The following IRAG1 variants were observed in gnomAD, a reference collection of about 807,000 sequenced individuals.
IRAG1 encodes the protein inositol 1,4,5-triphosphate receptor associated 1, also known as IP3R-associated cGMP kinase substrate.
Under a neutral mutation model 106.2 loss-of-function variants are expected in IRAG1, and 62 were observed. The ratio of observed to expected loss-of-function variants is 0.58; its 90% confidence interval spans 0.48 to 0.72. The LOEUF (loss-of-function observed/expected upper bound fraction) is 0.72. Ranked by LOEUF, IRAG1 falls within the 30% of genes least tolerant of loss-of-function variation. IRAG1 has a pLI of 0.00. For missense variants in IRAG1, 1,064 were observed against 1,140.7 expected, an observed-to-expected ratio of 0.93 and a Z score of 0.97; for synonymous variants, 462 against 443.9, an observed-to-expected ratio of 1.04 and a Z score of -0.51.
chr11:10,659,247 T>C lies in IRAG1; in HGVS notation c.68-7065A>G, dbSNP rs1339439891. ...GGCCAAGTAGGTATTTGTGCTGTGCTGAACAAGTGGGTAAGTGAGTGACTG... is the reference window on the plus strand; with the variant it reads ...GGCCAAGTAGGTATTTGTGCTGTGCCGAACAAGTGGGTAAGTGAGTGACTG... On this transcript the variant is annotated intron_variant, in intron 1 of 20. Transcript: ENST00000423302. This position sits in a 1 kb window ranked among gnomAD's most constrained non-coding sequence, Gnocchi z 4.1. Among the ~76,000 whole-genome samples the C allele has an allele frequency of 6.6e-6, 1 of 152,200 alleles. No homozygotes were observed. The highest frequency in any genetic ancestry group is 1.5e-5 in the Non-Finnish European group (1 of 68,032).
At chr11:10,619,539 G>A (rs1300238106) in intron 10 of IRAG1, among the ~76,000 whole-genome samples, 5 of 152,172 alleles carry the variant, frequency 3.3e-5, no homozygotes, top group African/African-American at 4.8e-5. Context: ...CATTAAACAC[G>A]GAGGGTTGCC....
At chr11:10,637,994 G>T (rs1260892655) in intron 2 of IRAG1, among the ~76,000 whole-genome samples, 1 of 152,174 alleles carries the variant, frequency 6.6e-6, no homozygotes, top group Non-Finnish European at 1.5e-5. Flanking sequence ...CTTTCCAGAG[G>T]AATCTCTTCA....
At chr11:10,662,234 C>G (rs193254839) in intron 1 of IRAG1, among the ~76,000 whole-genome samples, 1 of 152,216 alleles carries the variant, frequency 6.6e-6, no homozygotes, top group African/African-American at 2.4e-5. Flanking sequence ...TGGTGAAACC[C>G]CATCTCTACT....
Position 10,576,418 on chromosome 11 carries a change from GC to G in IRAG1, c.2652del (p.Gly887GlufsTer32). 6.2e-7 allele frequency: 1 copy of G among 1,613,946 alleles called. No homozygotes were observed. Among genetic ancestry groups the G allele is most frequent in the East Asian group, 2.2e-5 (1 of 44,868 alleles). ...GCCGAGCAAGTGGATCTTCCAAGGGGCCCATCAGCCTGCTCTGCACAAGAGT... is the reference window on the plus strand; with the variant it reads ...GCCGAGCAAGTGGATCTTCCAAGGGGCCATCAGCCTGCTCTGCACAAGAGT... ...SYNSCAEQAD[G>X]PLGRSTCSAA... On this transcript the variant is annotated frameshift_variant, in exon 21 of 21. Transcript: ENST00000423302. LOFTEE classifies it high-confidence loss of function.
At position 10,665,528 on chromosome 11, in the gene IRAG1, G is replaced by A. The variant is rs1325197037; in HGVS notation, c.68-13346C>T. On this transcript the variant is annotated intron_variant, in intron 1 of 20. Transcript: ENST00000423302. This position sits in a 1 kb window ranked among gnomAD's most constrained non-coding sequence, Gnocchi z 4.2. ...TCAAACATCATTACTTCCTGGGGGC[G>A]ACCACTCCACCTACCTATCCCTCAG... Among the ~76,000 whole-genome samples, 2 of 152,140 alleles carry A rather than the reference G, an allele frequency of 1.3e-5. No individual in the cohort carries two copies. The highest frequency in any genetic ancestry group is 4.8e-5 in the African/African-American group (2 of 41,422).
chr11:10,672,537 A>C (rs904430766), intron 1 of IRAG1, among the ~76,000 whole-genome samples: 1 of 152,242 alleles, frequency 6.6e-6, no homozygotes, highest in African/African-American at 2.4e-5. Context: ...ATGTCTCCAA[A>C]GAATATATGC....
chr11:10,681,009 G>A (rs987686816), intron 1 of IRAG1, among the ~76,000 whole-genome samples: 2 of 152,130 alleles, frequency 1.3e-5, no homozygotes, highest in East Asian at 1.9e-4. Flanking sequence ...AAAGTGCTAT[G>A]CAGATGGTAG....
At chr11:10,618,319 C>A (rs943945235) in intron 10 of IRAG1, among the ~76,000 whole-genome samples, 14 of 152,154 alleles carry the variant, frequency 9.2e-5, no homozygotes, top group African/African-American at 3.4e-4. Context: ...TACTTTATGG[C>A]CTGTTAAAGT....
rs1850779534 is a variant in IRAG1 at position 10,575,708 on chromosome 11, C to A, written c.*624G>T. On this transcript the variant is annotated 3_prime_UTR_variant, in exon 21 of 21. Transcript: ENST00000423302. ...CAGATGCGTATATAATAATTCATAT[C>A]TTCCCATTTCAAGCACTGAGCTAAA... 1 of 157,312 alleles carries A rather than the reference C, an allele frequency of 6.4e-6. No individual in the cohort carries two copies. Among genetic ancestry groups the A allele is most frequent in the African/African-American group, 2.5e-5 (1 of 40,674 alleles). 9.7% of individuals were successfully genotyped at this position (157,312 alleles called of 1,614,324 possible).
Position 10,625,973 on chromosome 11 carries a change from A to T in IRAG1, c.1361T>A (p.Leu454His), listed in dbSNP as rs1451548822. Reference sequence around the variant, plus strand: ...TGGCCCCCAGGAACCCACCTCTCGGAGCTTGGTCAGTTTCTGCATCCGCAC... The same window carrying T: ...TGGCCCCCAGGAACCCACCTCTCGGTGCTTGGTCAGTTTCTGCATCCGCAC... Reference protein sequence around the residue: ...QPVRMQKLTKLREEHILMRNQ... With the variant: ...QPVRMQKLTKHREEHILMRNQ... The change falls in exon 9 of 21, where the codon CTC becomes CAC. Residue 454 changes from leucine (L) to histidine (H), a missense_variant. Leu to His is a moderately conservative substitution (Grantham distance 99). Coordinates refer to ENST00000423302, the MANE Select transcript of IRAG1 (RefSeq NM_130385.4). 1 of 1,476,908 alleles carries T rather than the reference A, an allele frequency of 6.8e-7. No homozygotes were observed. The highest frequency in any genetic ancestry group is 9.0e-7 in the Non-Finnish European group (1 of 1,113,346). 91.5% of individuals were successfully genotyped at this position (1,476,908 alleles called of 1,614,324 possible).
At chr11:10,585,065 T>G (rs909191062) in intron 18 of IRAG1, among the ~76,000 whole-genome samples, 1 of 152,186 alleles carries the variant, frequency 6.6e-6, no homozygotes, top group Non-Finnish European at 1.5e-5. Context: ...TAAGGTATGG[T>G]AAATTAACAT....
chr11:10,651,573 T>C (rs1256189025), intron 2 of IRAG1, among the ~76,000 whole-genome samples: 1 of 152,248 alleles, frequency 6.6e-6, no homozygotes, highest in Non-Finnish European at 1.5e-5. Context: ...GCTTTCATCA[T>C]TTCCTTTCTA....
chr11:10,644,608 T>C lies in IRAG1; in HGVS notation c.225+7417A>G, dbSNP rs528919286. On this transcript the variant is annotated intron_variant, in intron 2 of 20. Coordinates refer to ENST00000423302, the MANE Select transcript of IRAG1 (RefSeq NM_130385.4). ...TCTTGGAGTTGTCGTGAGGTTGCTA[T>C]GTGTAAAGTGCCTAGAGCAGTGCCT... Among the ~76,000 whole-genome samples the C allele has an allele frequency of 3.9e-5, 6 of 152,264 alleles. No individual in the cohort carries two copies. In the South Asian group the frequency reaches 8.3e-4, roughly 21 times the overall value.
intron 1 of IRAG1, among the ~76,000 whole-genome samples, chr11:10,673,456 A>T (rs1316763349): frequency 6.6e-6 from 1 of 152,192 alleles, no homozygotes; most frequent in Non-Finnish European, 1.5e-5. Flanking sequence ...AGAAAGCTAT[A>T]GAGATGGAAG....
chr11:10,648,193 A>T (rs544090024), intron 2 of IRAG1, among the ~76,000 whole-genome samples: 1 of 152,138 alleles, frequency 6.6e-6, no homozygotes, highest in East Asian at 1.9e-4. Context: ...GCGAAACCCC[A>T]TATCTACTAA....
Position 10,651,237 on chromosome 11 carries a change from A to G in IRAG1, c.225+788T>C, listed in dbSNP as rs975152101. On this transcript the variant is annotated intron_variant, in intron 2 of 20. Transcript: ENST00000423302. ...GAAAATACGACGAGGATGATGCTCA[A>G]ATAGGTTCTTCAAAAGGGAATAATT... Among the ~76,000 whole-genome samples the G allele has an allele frequency of 2.6e-5, 4 of 152,372 alleles. No homozygotes were observed. The South Asian group carries it at 8.3e-4, about 32-fold the overall frequency.
At chr11:10,644,952 C>T (rs1397254069) in intron 2 of IRAG1, among the ~76,000 whole-genome samples, 1 of 152,144 alleles carries the variant, frequency 6.6e-6, no homozygotes, top group Admixed American at 6.5e-5. Flanking sequence ...AAGTATATGG[C>T]TAAACTCGAG....
chr11:10,684,602 TATAATAATA>T (rs72177457), intron 1 of IRAG1, among the ~76,000 whole-genome samples: 2,179 of 138,916 alleles, frequency 0.016, 38 homozygotes, highest in African/African-American at 0.036. Context: ...AAACTTAAAG[TATAATAATA>T]ATAATAATAA....
intron 13 of IRAG1, among the ~76,000 whole-genome samples, chr11:10,603,714 A>G (rs1264328626): frequency 6.6e-6 from 1 of 152,146 alleles, no homozygotes; most frequent in African/African-American, 2.4e-5. Flanking sequence ...GTGATAGTGA[A>G]GTGGGGCCTG....
Sources: gnomAD v4.1 joint callset for allele counts (sites outside exome capture counted in the v4.1 genomes callset) on GRCh38, gnomAD v4.1.1 for gene constraint, Gnocchi (gnomAD v3.1) non-coding constraint, MANE v1.5 for transcripts, NCBI Gene and HGNC (gene_info 2026-07-23, HGNC 2026-07-21) for gene names.